TRAPPC9: variants seen among roughly 807,000 people sequenced by gnomAD.
TRAPPC9 encodes trafficking protein particle complex subunit 9.
TRAPPC9 carries 83 observed loss-of-function variants against 124.0 expected under a neutral mutation model. That is an observed-to-expected ratio of 0.67 (90% CI 0.56 to 0.80). The LOEUF is 0.80. Ranked by LOEUF, TRAPPC9 falls within the 30% of genes least tolerant of loss-of-function variation. The pLI is 0.00. For synonymous variants in TRAPPC9, 638 were observed against 617.5 expected (o/e 1.03, Z -0.49); for missense variants, 1,302 against 1,508.3 (o/e 0.86, Z 2.27).
chr8:140,279,382 T>TTTTTTTAGTAGAGA, intron 14 of TRAPPC9, among the ~76,000 whole-genome samples: 1 of 152,340 alleles, frequency 6.6e-6, no homozygotes, highest in Non-Finnish European at 1.5e-5. Flanking sequence ...ATTTAATGAA[T>TTTTTTTAGTAGAGA]CAGTCACTGG....
chr8:139,821,237 G>A (rs1013786949), intron 21 of TRAPPC9, among the ~76,000 whole-genome samples: 1 of 152,258 alleles, frequency 6.6e-6, no homozygotes, highest in Admixed American at 6.5e-5. Flanking sequence ...AGCCTCTGGA[G>A]CAGCCAGCGA....
intron 20 of TRAPPC9, among the ~76,000 whole-genome samples, chr8:139,903,381 C>T (rs972783855): frequency 6.6e-6 from 1 of 152,156 alleles, no homozygotes; most frequent in Non-Finnish European, 1.5e-5. Flanking sequence ...CCAGGTCATT[C>T]GCCTTCATGG....
chr8:140,357,401 G>A (rs879683593), intron 9 of TRAPPC9, among the ~76,000 whole-genome samples: 13 of 152,260 alleles, frequency 8.5e-5, no homozygotes, highest in South Asian at 2.1e-4. Flanking sequence ...CTCACCAACC[G>A]TGGGGACTGT....
chr8:139,731,382 C>A (rs377326124), intron 22 of TRAPPC9, among the ~76,000 whole-genome samples, 154 bp from the exon 23 acceptor site: 5 of 152,288 alleles, frequency 3.3e-5, no homozygotes, highest in African/African-American at 1.2e-4. Flanking sequence ...CAGGTCACTG[C>A]GCCTCTCCGA....
chr8:140,379,183 G>A (rs187895391), intron 7 of TRAPPC9, among the ~76,000 whole-genome samples: 196 of 152,000 alleles, frequency 1.3e-3, no homozygotes, highest in Admixed American at 2.6e-3. Flanking sequence ...GCCCGGTGCT[G>A]GTTTTTACCA....
At chr8:140,016,984 A>G (rs1005460087) in intron 18 of TRAPPC9, among the ~76,000 whole-genome samples, 1 of 152,122 alleles carries the variant, frequency 6.6e-6, no homozygotes, top group Non-Finnish European at 1.5e-5. Flanking sequence ...TAGCCATTCT[A>G]GTGGGTATAT....
intron 9 of TRAPPC9, among the ~76,000 whole-genome samples, chr8:140,358,887 G>A (rs2067839159): frequency 6.6e-6 from 1 of 152,206 alleles, no homozygotes; most frequent in Admixed American, 6.5e-5. Context: ...CCTGGGAGCA[G>A]TGAGCACCCA....
intron 21 of TRAPPC9, among the ~76,000 whole-genome samples, chr8:139,740,454 T>C (rs1458476397): frequency 1.3e-5 from 2 of 152,184 alleles, no homozygotes; most frequent in Non-Finnish European, 2.9e-5. Context: ...AACGAGGCAA[T>C]GTGCGCATGC....
chr8:139,898,434 G>T (rs895850134), intron 20 of TRAPPC9, among the ~76,000 whole-genome samples: 2 of 152,224 alleles, frequency 1.3e-5, no homozygotes, highest in Non-Finnish European at 2.9e-5. Flanking sequence ...TTCCAGGGAT[G>T]ATGCAGAAGA....
chr8:140,093,897 CT>C (rs1844744010), intron 17 of TRAPPC9, among the ~76,000 whole-genome samples: 1 of 152,142 alleles, frequency 6.6e-6, no homozygotes, highest in Non-Finnish European at 1.5e-5. Context: ...ATGACTGTTG[CT>C]TTCTTTCCAA....
intron 21 of TRAPPC9, among the ~76,000 whole-genome samples, chr8:139,824,644 T>G (rs2130809381): frequency 6.6e-6 from 1 of 152,268 alleles, no homozygotes; most frequent in Non-Finnish European, 1.5e-5. Context: ...CACTGCAACC[T>G]CCACCTCCCA....
chr8:140,153,493 T>C lies in TRAPPC9; in HGVS notation c.2556+67966A>G, dbSNP rs76623828. ...CAACACTCTGTGCACATGTGTATCA[T>C]TACAATTACCATACTATATTCTAAT... On this transcript the variant is annotated intron_variant, in intron 17 of 22. Transcript: ENST00000438773. Among the ~76,000 whole-genome samples the C allele has an allele frequency of 4.6e-5, 7 of 152,274 alleles. No homozygotes were observed. The East Asian group carries it at 1.4e-3, about 29-fold the overall frequency.
At chr8:140,293,420 G>A (rs1233642451) in intron 11 of TRAPPC9, among the ~76,000 whole-genome samples, 2 of 152,058 alleles carry the variant, frequency 1.3e-5, no homozygotes, top group African/African-American at 4.8e-5. Context: ...GCACACGTAT[G>A]TTTATTGCAG....
rs73726768 is a variant in TRAPPC9 at position 139,772,884 on chromosome 8, G to A, written c.3056-40682C>T. Among the ~76,000 whole-genome samples, 1,330 of 152,354 alleles carry A rather than the reference G, an allele frequency of 8.7e-3. 21 individuals carry two copies. Among genetic ancestry groups the A allele is most frequent in the African/African-American group, 0.03 (1,264 of 41,586 alleles). On this transcript the variant is annotated intron_variant, in intron 21 of 22. Transcript: ENST00000438773. ...GGGAAGACACAGGAAGAAGGCAGCC[G>A]TCTACAGGCCAAGGAGTGAGGCCTC... is the stretch of plus-strand genomic sequence containing the variant.
chr8:140,217,438 G>A (rs4487736), intron 17 of TRAPPC9, among the ~76,000 whole-genome samples: 58,901 of 152,084 alleles, frequency 0.39, 14,356 homozygotes, highest in Non-Finnish European at 0.55. Flanking sequence ...AGAGGGTGCC[G>A]GTAGCAGTGG....
chr8:140,458,534 G>T, upstream of TRAPPC9: 1 of 1,582,792 alleles, frequency 6.3e-7, no homozygotes. Flanking sequence ...CCCCTGTGTG[G>T]CGCGCGGTCT....
At chr8:139,909,329 C>G (rs1831562118) in intron 20 of TRAPPC9, among the ~76,000 whole-genome samples, 1 of 152,188 alleles carries the variant, frequency 6.6e-6, no homozygotes, top group African/African-American at 2.4e-5. Context: ...AGCAGCCACT[C>G]AAATGTCACC....
chr8:140,438,702 A>C (rs1035717935), intron 3 of TRAPPC9, among the ~76,000 whole-genome samples: 5 of 149,718 alleles, frequency 3.3e-5, no homozygotes, highest in Admixed American at 3.3e-4. Flanking sequence ...ATTTTATTTT[A>C]TTTTTTTTTG....
intron 9 of TRAPPC9, among the ~76,000 whole-genome samples, chr8:140,322,208 G>T (rs768574437): frequency 6.6e-6 from 1 of 152,138 alleles, no homozygotes; most frequent in Non-Finnish European, 1.5e-5. Context: ...TGGAAAGCTG[G>T]TGACTGGCTG....
Sources: allele counts gnomAD v4.1 joint callset (sites outside exome capture counted in the v4.1 genomes callset), GRCh38; gene constraint gnomAD v4.1.1; transcripts MANE v1.5; gene names NCBI Gene and HGNC (gene_info 2026-07-23, HGNC 2026-07-21).